TRMT10B: variants seen among roughly 807,000 people sequenced by gnomAD.
TRMT10B encodes the protein tRNA methyltransferase 10 homolog B.
A neutral mutation model predicts 43.8 loss-of-function variants in TRMT10B; 33 were observed. The ratio of observed to expected loss-of-function variants is 0.75; its 90% confidence interval spans 0.57 to 1.01. The LOEUF is 1.01. Among genes scored for constraint, TRMT10B ranks in the 50% least tolerant of loss-of-function variants. The pLI is 0.00. For missense variants in TRMT10B, 362 were observed against 369.8 expected (o/e 0.98, Z 0.17); for synonymous variants, 137 against 130.6 (o/e 1.05, Z -0.34).
Position 37,761,989 on chromosome 9 carries a change from CAAG to C in TRMT10B, c.62_64del (p.Glu21del). 6.2e-7 allele frequency: 1 copy of C among 1,613,988 alleles called. No homozygotes were observed. The highest frequency in any genetic ancestry group is 8.5e-7 in the Non-Finnish European group (1 of 1,179,938). ...AGTAGAGTCACCTGTGCTGCAGGGG[CAAG>C]AAGGCATCCTAGAGGAGACAGGTGA... On this transcript the variant is annotated inframe_deletion, in exon 2 of 9. Coordinates refer to ENST00000297994, the MANE Select transcript of TRMT10B (RefSeq NM_144964.4).
At position 37,756,621 on chromosome 9, in the gene TRMT10B, G is replaced by A. The variant is rs536276455; in HGVS notation, c.-30+2769G>A. ...CTCGGGAGGCTGAGGCATGAGAATC[G>A]CTTGAACCTGGGTGGCAGAGGTTGC... On this transcript the variant is annotated intron_variant, in intron 1 of 8. Transcript: ENST00000297994. Among the ~76,000 whole-genome samples, 47 of 151,992 alleles carry A rather than the reference G, an allele frequency of 3.1e-4. No homozygotes were observed. The South Asian group carries it at 7.1e-3, about 23-fold the overall frequency.
intron 4 of TRMT10B, among the ~76,000 whole-genome samples, chr9:37,764,992 C>G (rs1826826913): frequency 6.6e-6 from 1 of 152,088 alleles, no homozygotes; most frequent in Non-Finnish European, 1.5e-5. Flanking sequence ...GAGGTGCCCC[C>G]TGGTTACTAT....
intron 1 of TRMT10B, among the ~76,000 whole-genome samples, chr9:37,760,592 C>T (rs1218469367): frequency 6.6e-6 from 1 of 152,138 alleles, no homozygotes; most frequent in Admixed American, 6.5e-5. Context: ...ACATTCAAAG[C>T]TGATGAATCA....
intron 7 of TRMT10B, among the ~76,000 whole-genome samples, chr9:37,774,779 A>G (rs1827966086): frequency 6.6e-6 from 1 of 152,242 alleles, no homozygotes; most frequent in Non-Finnish European, 1.5e-5. Context: ...AAAAGGTACT[A>G]GGTCCACTTC....
intron 1 of TRMT10B, among the ~76,000 whole-genome samples, chr9:37,758,690 A>G (rs1267986698): frequency 2.0e-5 from 3 of 152,234 alleles, no homozygotes; most frequent in Non-Finnish European, 2.9e-5. Context: ...AATTGTCATG[A>G]CAGAAGGAAT....
chr9:37,754,035 C>G (rs958266423), intron 1 of TRMT10B, among the ~76,000 whole-genome samples, 183 bp downstream of exon 1: 1 of 152,208 alleles, frequency 6.6e-6, no homozygotes, highest in African/African-American at 2.4e-5. Context: ...GCCTGTGGGC[C>G]GGGAGAGACC....
chr9:37,776,241 T>G (rs1041122206), intron 7 of TRMT10B, 41 bp from the exon 8 acceptor site: 1 of 1,398,542 alleles, frequency 7.2e-7, no homozygotes, highest in African/African-American at 1.5e-5. Flanking sequence ...TATACTCATG[T>G]ATAATTTTTA....
intron 8 of TRMT10B, 89 bp from the exon 9 acceptor site, chr9:37,777,512 T>C: frequency 5.3e-6 from 6 of 1,139,350 alleles, no homozygotes; most frequent in South Asian, 1.3e-5. Context: ...AATAGGTTTG[T>C]TGAACGAAAT....
In TRMT10B at chr9:37,768,314, G is replaced by T. The variant is rs73649211; in HGVS notation, c.573+86G>T. On this transcript the variant is annotated intron_variant, in intron 5 of 8. Transcript: ENST00000297994. ...ATTTTTTTTTTACTTTTTCATATATGTTACATTTTCAGTATTGAAGTCTAA... is the reference window on the plus strand; with the variant it reads ...ATTTTTTTTTTACTTTTTCATATATTTTACATTTTCAGTATTGAAGTCTAA... 7,113 of 1,411,872 alleles carry T rather than the reference G, an allele frequency of 5.0e-3. 321 individuals carry two copies. In the African/African-American group the frequency reaches 0.093, roughly 18 times the overall value. The allele number at this position is 1,411,872 out of a possible 1,614,324, so 87.5% of individuals were successfully genotyped here.
At chr9:37,757,325 C>T (rs1276370671) in intron 1 of TRMT10B, among the ~76,000 whole-genome samples, 1 of 152,182 alleles carries the variant, frequency 6.6e-6, no homozygotes, top group Non-Finnish European at 1.5e-5. Flanking sequence ...ATCCTCCCTC[C>T]TCAGCCTCCC....
chr9:37,764,826 GAC>G (rs1174041108), intron 4 of TRMT10B, among the ~76,000 whole-genome samples: 1 of 152,144 alleles, frequency 6.6e-6, no homozygotes, highest in Non-Finnish European at 1.5e-5. Flanking sequence ...CCTGACACTG[GAC>G]AGATGAGATT....
chr9:37,773,444 G>A (rs1040151019), intron 7 of TRMT10B, among the ~76,000 whole-genome samples: 5 of 152,162 alleles, frequency 3.3e-5, no homozygotes, highest in African/African-American at 1.2e-4. Context: ...TATATACAGA[G>A]AGAAAAAGCA....
intron 1 of TRMT10B, among the ~76,000 whole-genome samples, chr9:37,756,209 A>G (rs1825656776): frequency 6.6e-6 from 1 of 152,252 alleles, no homozygotes; most frequent in Admixed American, 6.5e-5. Context: ...GCTATTAACT[A>G]GCATTTATTT....
chr9:37,777,879 C>A lies in TRMT10B; in HGVS notation c.*172C>A, dbSNP rs1828355382. On this transcript the variant is annotated 3_prime_UTR_variant, in exon 9 of 9. Coordinates refer to ENST00000297994, the MANE Select transcript of TRMT10B (RefSeq NM_144964.4). ...AATTAGCCAGGTGTGGTGGCGCATACCTGTAGTCCCAGCTACTTGGGAGGC... is the reference window on the plus strand; with the variant it reads ...AATTAGCCAGGTGTGGTGGCGCATAACTGTAGTCCCAGCTACTTGGGAGGC... 1 of 494,142 alleles carries A rather than the reference C, an allele frequency of 2.0e-6. No homozygotes were observed. The highest frequency in any genetic ancestry group is 3.7e-6 in the Non-Finnish European group (1 of 272,326). 30.6% of individuals were successfully genotyped at this position (494,142 alleles called of 1,614,324 possible).
chr9:37,765,933 T>G (rs1826941723), intron 4 of TRMT10B, among the ~76,000 whole-genome samples: 1 of 151,216 alleles, frequency 6.6e-6, no homozygotes, highest in Non-Finnish European at 1.5e-5. Context: ...TTGATGGGTT[T>G]TTTTTTTTTT....
At chr9:37,768,299 T>A in intron 5 of TRMT10B, 71 bp downstream of exon 5, 1 of 1,437,720 alleles carries the variant, frequency 7.0e-7, no homozygotes, top group Non-Finnish European at 9.4e-7. Context: ...ATTTTTTTTT[T>A]ACTTTTTCAT....
In TRMT10B at chr9:37,768,191, A is replaced by G; in HGVS notation, c.536A>G (p.Glu179Gly). 6.2e-7 allele frequency: 1 copy of G among 1,614,068 alleles called. No homozygotes were observed. The highest frequency in any genetic ancestry group is 8.5e-7 in the Non-Finnish European group (1 of 1,179,968). ...ACAACAGACAGTCCCCTTTATGAAGAGTGTGTGAGGATGAATGATGGATTT... is the reference window on the plus strand; with the variant it reads ...ACAACAGACAGTCCCCTTTATGAAGGGTGTGTGAGGATGAATGATGGATTT... ...GFTTDSPLYE[E>G]CVRMNDGFSS... Residue 179 changes from glutamate to glycine, a missense_variant, in exon 5 of 9, where the codon GAG becomes GGG. Physicochemically the swap from Glu to Gly is moderately conservative, Grantham distance 98. Coordinates refer to ENST00000297994, the MANE Select transcript of TRMT10B (RefSeq NM_144964.4).
At chr9:37,762,479 A>G in intron 2 of TRMT10B, 98 bp from the exon 3 acceptor site, 1 of 1,459,128 alleles carries the variant, frequency 6.9e-7, no homozygotes, top group Non-Finnish European at 9.1e-7. Flanking sequence ...TCCAAACTAT[A>G]TATATAAATA....
intron 1 of TRMT10B, among the ~76,000 whole-genome samples, chr9:37,757,000 TCTTAA>T (rs1370293743): frequency 1.4e-4 from 19 of 140,720 alleles, no homozygotes; most frequent in Non-Finnish European, 2.8e-4. Context: ...AAGACCTATC[TCTTAA>T]CTTTTTTTTT....
Sources: allele counts gnomAD v4.1 joint callset (sites outside exome capture counted in the v4.1 genomes callset), GRCh38; gene constraint gnomAD v4.1.1; transcripts MANE v1.5; gene names NCBI Gene and HGNC (gene_info 2026-07-23, HGNC 2026-07-21).